Variants in SURF2 observed in about 807,000 individuals in gnomAD.
SURF2 encodes the protein surfeit 2.
Under a neutral mutation model 26.2 loss-of-function variants are expected in SURF2, and 32 were observed. That is an observed-to-expected ratio of 1.22 (90% CI 0.92 to 1.64). The LOEUF (loss-of-function observed/expected upper bound fraction) is 1.64. Among genes scored for constraint, SURF2 ranks in the 40% most tolerant of loss-of-function variants. The probability of loss-of-function intolerance (pLI) is 0.00; values close to 1 mark genes in which losing one functional copy is unlikely to be tolerated. For synonymous variants in SURF2, 173 were observed against 139.1 expected, an observed-to-expected ratio of 1.24 and a Z score of -1.71; for missense variants, 415 against 341.6, an observed-to-expected ratio of 1.21 and a Z score of -1.69.
At chr9:133,360,548 A>C (rs2130052885) in intron 5 of SURF2, 114 bp downstream of exon 5, 32 of 1,288,528 alleles carry the variant, frequency 2.5e-5, no homozygotes, top group Middle Eastern at 2.7e-4. Flanking sequence ...CAAGCCAACA[A>C]CACACAAGAA....
chr9:133,356,737 G>A, intron 1 of SURF2, 67 bp downstream of exon 1: 1 of 1,455,780 alleles, frequency 6.9e-7, no homozygotes, highest in Non-Finnish European at 9.1e-7. Context: ...GCTGAGGGGA[G>A]GGCAGGGGAG....
intron 2 of SURF2, 74 bp downstream of exon 2, chr9:133,357,142 G>A (rs1836629218): frequency 7.1e-7 from 1 of 1,415,928 alleles, no homozygotes. Context: ...CGCCAGTGCT[G>A]CAGCCCCTAC....
At chr9:133,360,710 G>T (rs2130054004) in intron 5 of SURF2, among the ~76,000 whole-genome samples, 1 of 152,202 alleles carries the variant, frequency 6.6e-6, no homozygotes, top group African/African-American at 2.4e-5. Flanking sequence ...GAGCTGTGGC[G>T]TGTTTGTCCT....
At chr9:133,357,392 A>G (rs1054815778) in intron 2 of SURF2, among the ~76,000 whole-genome samples, 4 of 152,216 alleles carry the variant, frequency 2.6e-5, no homozygotes, top group African/African-American at 9.7e-5. Context: ...TAGGCTTTGT[A>G]ATAATCGTCA....
chr9:133,357,413 A>G (rs2119091630), intron 2 of SURF2, among the ~76,000 whole-genome samples: 1 of 152,306 alleles, frequency 6.6e-6, no homozygotes, highest in South Asian at 2.1e-4. Flanking sequence ...AAACAGAGAT[A>G]GGATGTTTCC....
rs1037059921 is a variant in SURF2 at position 133,356,554 on chromosome 9, G to T, written c.-39G>T. The T allele has an allele frequency of 6.7e-7, 1 of 1,501,484 alleles. No homozygotes were observed. Among genetic ancestry groups the T allele is most frequent in the Non-Finnish European group, 8.8e-7 (1 of 1,133,318 alleles). The allele number at this position is 1,501,484 out of a possible 1,614,324, so 93.0% of individuals were successfully genotyped here. On this transcript the variant is annotated 5_prime_UTR_variant, in exon 1 of 6. Coordinates refer to ENST00000371964, the MANE Select transcript of SURF2 (RefSeq NM_017503.5). Reference sequence around the variant, plus strand: ...CCCCGCCCCCGGCTCCAGGTTCTGCGAGCGGCTTCCGCCGGGCTGCTCCGC... The same window carrying T: ...CCCCGCCCCCGGCTCCAGGTTCTGCTAGCGGCTTCCGCCGGGCTGCTCCGC...
intron 5 of SURF2, 147 bp downstream of exon 5, chr9:133,360,581 C>A: frequency 1.8e-6 from 2 of 1,100,376 alleles, no homozygotes; most frequent in Non-Finnish European, 2.5e-6. Flanking sequence ...AGGCCGCTGG[C>A]TGGCGGAAGG....
chr9:133,357,248 C>G (rs1030412387), intron 2 of SURF2, 180 bp downstream of exon 2: 3 of 705,720 alleles, frequency 4.3e-6, no homozygotes, highest in Admixed American at 3.6e-5. Context: ...AGCTCGTTTG[C>G]TCACCTGAGG....
At chr9:133,356,806 A>C in intron 1 of SURF2, 108 bp from the exon 2 acceptor site, 1 of 1,311,250 alleles carries the variant, frequency 7.6e-7, no homozygotes, top group Non-Finnish European at 1.0e-6. Context: ...GGCAGGGGAG[A>C]GGGCGCGGCG....
intron 2 of SURF2, 99 bp from the exon 3 acceptor site, chr9:133,357,612 C>A: frequency 1.7e-6 from 2 of 1,162,562 alleles, no homozygotes; most frequent in Admixed American, 2.0e-5. Context: ...GATGTCCAAG[C>A]CGCATGGTAG....
chr9:133,356,794 A>C, intron 1 of SURF2, 120 bp from the exon 2 acceptor site: 2 of 1,076,468 alleles, frequency 1.9e-6, no homozygotes, highest in South Asian at 1.8e-5. Flanking sequence ...GAGAGAGGGG[A>C]GGGCAGGGGA....
chr9:133,356,797 G>T, intron 1 of SURF2, 117 bp from the exon 2 acceptor site: 2 of 1,314,442 alleles, frequency 1.5e-6, no homozygotes, highest in Non-Finnish European at 2.0e-6. Context: ...AGAGGGGAGG[G>T]CAGGGGAGAG....
At chr9:133,357,253 C>T in intron 2 of SURF2, 185 bp downstream of exon 2, 2 of 676,834 alleles carry the variant, frequency 3.0e-6, no homozygotes, top group Non-Finnish European at 4.7e-6. Flanking sequence ...GTTTGCTCAC[C>T]TGAGGTTTGT....
chr9:133,357,092 G>A (rs2130032821), intron 2 of SURF2, 24 bp downstream of exon 2: 2 of 1,536,754 alleles, frequency 1.3e-6, no homozygotes, highest in Non-Finnish European at 1.8e-6. Context: ...GGCGGCGCGG[G>A]GAGGCCCAGG....
In SURF2 at chr9:133,360,249, C is replaced by T. The variant is rs1836727018; in HGVS notation, c.518-16C>T. The T allele has an allele frequency of 6.2e-7, 1 of 1,612,162 alleles. No homozygotes were observed. Among genetic ancestry groups the T allele is most frequent in the Non-Finnish European group, 8.5e-7 (1 of 1,178,956 alleles). On this transcript the variant is annotated splice_polypyrimidine_tract_variant and intron_variant, in intron 4 of 5. Coordinates refer to ENST00000371964, the MANE Select transcript of SURF2 (RefSeq NM_017503.5). Reference sequence around the variant, plus strand: ...AGCCTAAAATAACTGTCAGCCAATCCCTGTGTTCCTCCCAGCTGAGCTATT... The same window carrying T: ...AGCCTAAAATAACTGTCAGCCAATCTCTGTGTTCCTCCCAGCTGAGCTATT...
chr9:133,360,578 TGGCTGGCGGAAG>T (rs1836742463), intron 5 of SURF2, 144 bp downstream of exon 5: 21 of 1,120,580 alleles, frequency 1.9e-5, no homozygotes, highest in Non-Finnish European at 2.6e-5. Context: ...CCGAGGCCGC[TGGCTGGCGGAAG>T]GCCGTGAGTG....
chr9:133,356,659 GA>G lies in SURF2; in HGVS notation c.68del (p.Asp23AlafsTer5). The G allele has an allele frequency of 2.0e-6, 3 of 1,521,884 alleles. No homozygotes were observed. The highest frequency in any genetic ancestry group is 2.6e-6 in the Non-Finnish European group (3 of 1,141,492). The allele number at this position is 1,521,884 out of a possible 1,614,324, so 94.3% of individuals were successfully genotyped here. ...REHPSLRLQT[D>X]ARKVRCILTG... is the part of the protein sequence containing the mutation. ...GCACCCGAGCCTGCGGCTCCAGACG[GA>G]CGCCCGCAAGGTTCGCAGCGCGGGA... On this transcript the variant is annotated frameshift_variant, in exon 1 of 6. Transcript: ENST00000371964. LOFTEE classifies it high-confidence loss of function.
Position 133,360,094 on chromosome 9 carries a change from C to T in SURF2, c.482C>T (p.Ala161Val). The change falls in exon 4 of 6, where the codon GCT (alanine) becomes GTT (valine). Residue 161 changes from alanine to valine, a missense_variant. Ala to Val is a moderately conservative substitution (Grantham distance 64, BLOSUM62 0). Transcript: ENST00000371964. ...CCCACATCCAGTGATGAGGGGGGAG[C>T]TGCAAGTGATGACAGCATGACAGAC... ...WEPTSSDEGG[A>V]ASDDSMTDLY... 6.2e-7 allele frequency: 1 copy of T among 1,613,208 alleles called. No homozygotes were observed. The highest frequency in any genetic ancestry group is 1.1e-5 in the South Asian group (1 of 90,930).
At chr9:133,356,889 G>A in intron 1 of SURF2, 25 bp from the exon 2 acceptor site, 1 of 1,533,498 alleles carries the variant, frequency 6.5e-7, no homozygotes. Context: ...CCCTCCTGAC[G>A]TCCTGCCCGC....
Sources: allele counts gnomAD v4.1 joint callset (sites outside exome capture counted in the v4.1 genomes callset), GRCh38; gene constraint gnomAD v4.1.1; transcripts MANE v1.5; gene names NCBI Gene and HGNC (gene_info 2026-07-23, HGNC 2026-07-21).